LIN7A: variants seen among roughly 807,000 people sequenced by gnomAD.
LIN7A encodes the protein protein lin-7 homolog A.
Under a neutral mutation model 29.8 loss-of-function variants are expected in LIN7A, and 25 were observed. That is an observed-to-expected ratio of 0.84 (90% CI 0.61 to 1.17). The LOEUF is 1.17. Among genes scored for constraint, LIN7A ranks in the 50% most tolerant of loss-of-function variants. LIN7A has a pLI of 0.00. For synonymous variants in LIN7A, 118 were observed against 107.5 expected, an observed-to-expected ratio of 1.10 and a Z score of -0.60; for missense variants, 239 against 287.0, an observed-to-expected ratio of 0.83 and a Z score of 1.21.
chr12:80,878,085 T>C (rs918727043), intron 2 of LIN7A, among the ~76,000 whole-genome samples: 2 of 152,160 alleles, frequency 1.3e-5, no homozygotes, highest in African/African-American at 4.8e-5. Flanking sequence ...TAATAGCAAA[T>C]AGAAAGGCTT....
chr12:80,934,427 C>T (rs573145209), intron 1 of LIN7A, among the ~76,000 whole-genome samples: 2 of 152,272 alleles, frequency 1.3e-5, no homozygotes, highest in Admixed American at 6.5e-5. Context: ...AGGCACAGGG[C>T]CATGAAAATC....
chr12:80,889,128 T>G, intron 2 of LIN7A, 123 bp downstream of exon 2: 1 of 695,526 alleles, frequency 1.4e-6, no homozygotes, highest in Non-Finnish European at 2.6e-6. Context: ...TCCAAGTAGC[T>G]AAAAACAGAA....
intron 1 of LIN7A, among the ~76,000 whole-genome samples, chr12:80,934,656 A>G (rs984605987): frequency 2.9e-4 from 44 of 152,380 alleles, no homozygotes; most frequent in Admixed American, 1.3e-3. Context: ...TGATGTCAAA[A>G]GGTAGCAAAC....
intron 1 of LIN7A, among the ~76,000 whole-genome samples, chr12:80,898,405 A>T (rs1247156436): frequency 6.6e-6 from 1 of 151,980 alleles, no homozygotes; most frequent in African/African-American, 2.4e-5. Context: ...AGGAACTGTG[A>T]TGCCTCCAGC....
chr12:80,862,742 C>A, intron 2 of LIN7A, among the ~76,000 whole-genome samples: 1 of 152,054 alleles, frequency 6.6e-6, no homozygotes, highest in Admixed American at 6.6e-5. Context: ...GAATAAGGCA[C>A]TAAATAGATG....
chr12:80,937,863 G>A lies in LIN7A; in HGVS notation c.-141C>T. 1 of 579,146 alleles carries A rather than the reference G, an allele frequency of 1.7e-6. No individual in the cohort carries two copies. The highest frequency in any genetic ancestry group is 2.9e-5 in the South Asian group (1 of 34,928). The allele number at this position is 579,146 out of a possible 1,614,324, so 35.9% of individuals were successfully genotyped here. On this transcript the variant is annotated 5_prime_UTR_variant, in exon 1 of 6. Coordinates refer to ENST00000552864, the MANE Select transcript of LIN7A (RefSeq NM_004664.4). ...AGCTTGGGTGGGTTGGTAGCCAGAT[G>A]GAGACGCAACTGTTCCGCGGCGGCA...
chr12:80,817,644 G>A (rs985104531), intron 4 of LIN7A, among the ~76,000 whole-genome samples: 3 of 152,064 alleles, frequency 2.0e-5, no homozygotes, highest in African/African-American at 7.2e-5. Context: ...TTATACCTTA[G>A]TGAATTAGAT....
chr12:80,887,345 A>G (rs962067256), intron 2 of LIN7A, among the ~76,000 whole-genome samples: 1 of 152,094 alleles, frequency 6.6e-6, no homozygotes, highest in Non-Finnish European at 1.5e-5. Flanking sequence ...GTCTCATCAC[A>G]GCATCCAAAC....
chr12:80,807,068 T>TTTTTG lies in LIN7A; in HGVS notation c.*4396_*4397insCAAAA, dbSNP rs1555221338. 5.3e-4 allele frequency among the ~76,000 whole-genome samples: 45 copies of TTTTTG among 85,024 alleles called. 5 individuals are homozygous for TTTTTG. Among genetic ancestry groups the TTTTTG allele is most frequent in the South Asian group, 5.2e-4 (1 of 1,908 alleles). 55.8% of individuals were successfully genotyped at this position (85,024 alleles called of 152,430 possible). ...GGAAATTTAATGAAGATGGAGTTTT[T>TTTTTG]TTTTTTTTTTTTTTTTTTTTTTTGA... is the stretch of plus-strand genomic sequence containing the variant. On this transcript the variant is annotated intron_variant, in intron 5 of 5. Transcript: ENST00000552864.
intron 1 of LIN7A, among the ~76,000 whole-genome samples, chr12:80,904,018 T>A (rs1876353439): frequency 6.6e-6 from 1 of 152,154 alleles, no homozygotes; most frequent in Admixed American, 6.5e-5. Context: ...TCTGTGTTTA[T>A]AACAATCTTT....
chr12:80,871,122 G>T (rs573030438), intron 2 of LIN7A, among the ~76,000 whole-genome samples: 1 of 152,092 alleles, frequency 6.6e-6, no homozygotes, highest in East Asian at 1.9e-4. Flanking sequence ...AAAATAGTGC[G>T]GGAAATATAC....
chr12:80,803,388 T>G (rs1870813233), intron 5 of LIN7A, among the ~76,000 whole-genome samples: 1 of 152,238 alleles, frequency 6.6e-6, no homozygotes, highest in Non-Finnish European at 1.5e-5. Flanking sequence ...GAGATTGTCC[T>G]TTATCCATTG....
chr12:80,929,608 T>G (rs1877780506), intron 1 of LIN7A, among the ~76,000 whole-genome samples: 1 of 152,206 alleles, frequency 6.6e-6, no homozygotes, highest in Non-Finnish European at 1.5e-5. Context: ...ATAATGAGAC[T>G]ATGACATATG....
At chr12:80,877,659 G>C (rs997644046) in intron 2 of LIN7A, among the ~76,000 whole-genome samples, 1 of 151,980 alleles carries the variant, frequency 6.6e-6, no homozygotes, top group Non-Finnish European at 1.5e-5. Flanking sequence ...GCTAGTAATC[G>C]CCTTACATAT....
chr12:80,807,079 T>TTTG (rs1565883861), intron 5 of LIN7A, among the ~76,000 whole-genome samples: 2 of 131,916 alleles, frequency 1.5e-5, no homozygotes, highest in African/African-American at 5.8e-5. Flanking sequence ...TTTTTTTTTT[T>TTTG]TTTTTTTTTT....
chr12:80,852,454 T>C (rs1212044834), intron 2 of LIN7A, among the ~76,000 whole-genome samples: 2 of 152,156 alleles, frequency 1.3e-5, no homozygotes, highest in Non-Finnish European at 2.9e-5. Flanking sequence ...CTACTATCTG[T>C]GTACCTTAGT....
chr12:80,891,856 G>A (rs1307107441), intron 1 of LIN7A, among the ~76,000 whole-genome samples: 1 of 152,154 alleles, frequency 6.6e-6, no homozygotes, highest in Non-Finnish European at 1.5e-5. Context: ...TTAAGAGAGT[G>A]TGGGATATTC....
At chr12:80,918,983 G>A (rs1250160043) in intron 1 of LIN7A, among the ~76,000 whole-genome samples, 1 of 152,182 alleles carries the variant, frequency 6.6e-6, no homozygotes, top group African/African-American at 2.4e-5. Context: ...GCCTGTACAG[G>A]TTTGTAACCT....
At chr12:80,891,788 G>T (rs1875640352) in intron 1 of LIN7A, among the ~76,000 whole-genome samples, 1 of 152,198 alleles carries the variant, frequency 6.6e-6, no homozygotes, top group African/African-American at 2.4e-5. Context: ...GGAGGTGTAA[G>T]TGGAGAAGGA....
Sources: allele counts gnomAD v4.1 joint callset (sites outside exome capture counted in the v4.1 genomes callset), GRCh38; gene constraint gnomAD v4.1.1; transcripts MANE v1.5; gene names NCBI Gene and HGNC (gene_info 2026-07-23, HGNC 2026-07-21).